The following MAPK14 variants were observed in gnomAD, a reference collection of about 807,000 sequenced individuals.
MAPK14 encodes the protein mitogen-activated protein kinase 14.
MAPK14 carries 16 observed loss-of-function variants against 49.6 expected under a neutral mutation model. The ratio of observed to expected loss-of-function variants is 0.32; its 90% CI spans 0.22 to 0.49. The LOEUF (loss-of-function observed/expected upper bound fraction) is 0.49, where lower values mean the gene tolerates loss of function less well. MAPK14 is among the 20% of genes least tolerant of loss of function. The pLI, the probability that MAPK14 is intolerant of heterozygous loss-of-function variation, is 0.99. For synonymous variants in MAPK14, 142 were observed against 158.0 expected (o/e 0.90, Z 0.76); for missense variants, 200 against 441.2 (o/e 0.45, Z 4.90).
At chr6:36,049,760 A>C (rs1311973125) in intron 1 of MAPK14, among the ~76,000 whole-genome samples, 1 of 152,248 alleles carries the variant, frequency 6.6e-6, no homozygotes, top group Non-Finnish European at 1.5e-5. Flanking sequence ...ATGATGCAAG[A>C]GAGAAGAGGA....
At chr6:36,049,919 G>A (rs555551638) in intron 1 of MAPK14, among the ~76,000 whole-genome samples, 1 of 152,148 alleles carries the variant, frequency 6.6e-6, no homozygotes, top group African/African-American at 2.4e-5. Flanking sequence ...CTAAGCAAAT[G>A]GAGCTCCCCT....
chr6:36,071,983 G>A (rs1252596166), intron 3 of MAPK14, among the ~76,000 whole-genome samples: 1 of 152,096 alleles, frequency 6.6e-6, no homozygotes, highest in African/African-American at 2.4e-5. Flanking sequence ...ACAAAGCTTG[G>A]CCTGGTTTCT....
intron 8 of MAPK14, among the ~76,000 whole-genome samples, chr6:36,088,354 A>G (rs1462551010): frequency 6.6e-6 from 1 of 152,162 alleles, no homozygotes; most frequent in Non-Finnish European, 1.5e-5. Flanking sequence ...TTTGCAATCT[A>G]TCCATCTGAC....
chr6:36,042,779 G>T (rs903315855), intron 1 of MAPK14, among the ~76,000 whole-genome samples: 2 of 151,906 alleles, frequency 1.3e-5, no homozygotes, highest in African/African-American at 2.4e-5. Flanking sequence ...AGGATTACAG[G>T]TGTGAGCCAC....
intron 1 of MAPK14, among the ~76,000 whole-genome samples, chr6:36,041,692 A>G (rs980853058): frequency 2.0e-5 from 3 of 152,222 alleles, no homozygotes; most frequent in Non-Finnish European, 4.4e-5. Context: ...ACAATCAGGA[A>G]TGAACCAATT....
intron 3 of MAPK14, among the ~76,000 whole-genome samples, chr6:36,069,605 C>T (rs1764190343): frequency 6.6e-6 from 1 of 151,978 alleles, no homozygotes; most frequent in South Asian, 2.1e-4. Flanking sequence ...GCAGTCTCAC[C>T]CTCGTTCTAA....
downstream of MAPK14, among the ~76,000 whole-genome samples, chr6:36,115,927 CAAA>C (rs60613902): frequency 9.4e-5 from 10 of 106,346 alleles, no homozygotes; most frequent in Non-Finnish European, 9.3e-5. Context: ...GACTCCGTCT[CAAA>C]AAAAAAAAAA....
chr6:36,066,518 TA>T (rs558242402), intron 3 of MAPK14, among the ~76,000 whole-genome samples: 1 of 151,950 alleles, frequency 6.6e-6, no homozygotes, highest in Non-Finnish European at 1.5e-5. Flanking sequence ...CTCAGAATAT[TA>T]GAGAAGCTTA....
rs535397617 is a variant in MAPK14 at position 36,110,919 on chromosome 6, A to G, written c.*2472A>G. 10 of 152,334 alleles carry G rather than the reference A, an allele frequency of 6.6e-5. No individual in the cohort carries two copies. The highest frequency in any genetic ancestry group is 2.4e-4 in the African/African-American group (10 of 41,578). The allele number at this position is 152,334 out of a possible 1,614,324, so 9.4% of individuals were successfully genotyped here. Reference sequence around the variant, plus strand: ...AATGTTGATAAAGCTTCTTAGTTGTACATTTTTTGGTGAAGAGTATCCAGG... The same window carrying G: ...AATGTTGATAAAGCTTCTTAGTTGTGCATTTTTTGGTGAAGAGTATCCAGG... On this transcript the variant is annotated 3_prime_UTR_variant, in exon 12 of 12. Transcript: ENST00000229794.
chr6:36,078,892 A>AC (rs1190807282), intron 8 of MAPK14, among the ~76,000 whole-genome samples: 4 of 152,210 alleles, frequency 2.6e-5, no homozygotes, highest in Non-Finnish European at 5.9e-5. Context: ...CTTGTGTTCC[A>AC]GCATAGTGGT....
chr6:36,123,987 G>A, the MAPK14 span, among the ~76,000 whole-genome samples: 1 of 151,944 alleles, frequency 6.6e-6, no homozygotes, highest in Admixed American at 6.6e-5. Flanking sequence ...GACTCACAGA[G>A]CTGTCCCCAC....
At chr6:36,071,788 C>T (rs1764285688) in intron 3 of MAPK14, among the ~76,000 whole-genome samples, 1 of 152,156 alleles carries the variant, frequency 6.6e-6, no homozygotes, top group African/African-American at 2.4e-5. Flanking sequence ...ATATATTTGT[C>T]ATGCAAGAAT....
chr6:36,031,809 A>T (rs1373428356), intron 1 of MAPK14, among the ~76,000 whole-genome samples: 11 of 152,358 alleles, frequency 7.2e-5, no homozygotes, highest in Middle Eastern at 3.4e-3. Context: ...AAGAAAGATA[A>T]GGCAATCAGG....
In MAPK14 at chr6:36,108,594, G is replaced by T; in HGVS notation, c.*147G>T. 1 of 670,002 alleles carries T rather than the reference G, an allele frequency of 1.5e-6. No individual in the cohort carries two copies. Among genetic ancestry groups the T allele is most frequent in the Non-Finnish European group, 2.7e-6 (1 of 369,912 alleles). The allele number at this position is 670,002 out of a possible 1,614,324, so 41.5% of individuals were successfully genotyped here. A position where few individuals can be genotyped will look rare whatever the true frequency, so the allele number is the denominator to read the frequency against. On this transcript the variant is annotated 3_prime_UTR_variant, in exon 12 of 12. Coordinates refer to ENST00000229794, the MANE Select transcript of MAPK14 (RefSeq NM_139012.3). ...TGTGCGTGCGTGTGCGTGCGTGTTA[G>T]TGTGTGTGCATGTGTGTGTCTGTCT...
At position 36,109,780 on chromosome 6, in the gene MAPK14, A is replaced by T. The variant is rs1765911806; in HGVS notation, c.*1333A>T. 1 of 152,654 alleles carries T rather than the reference A, an allele frequency of 6.6e-6. No homozygotes were observed. The highest frequency in any genetic ancestry group is 2.1e-4 in the South Asian group (1 of 4,832). The allele number at this position is 152,654 out of a possible 1,614,324, so 9.5% of individuals were successfully genotyped here. A position where few individuals can be genotyped will look rare whatever the true frequency, so the allele number is the denominator to read the frequency against. ...GCTAAGAAATGCTGAAAATCAAAGT[A>T]AAAAATTAAAGCCCATAAGGCCAGA... On this transcript the variant is annotated 3_prime_UTR_variant, in exon 12 of 12. Transcript: ENST00000229794.
Position 36,092,466 on chromosome 6 carries a change from A to G in MAPK14, c.683-3521A>G, listed in dbSNP as rs112983061. On this transcript the variant is annotated intron_variant, in intron 8 of 11. Transcript: ENST00000229794. Reference sequence around the variant, plus strand: ...TCTCTGCAGCACAGGGATGACCGCTACATCATCACCAGTCTGTTCTTTCCT... The same window carrying G: ...TCTCTGCAGCACAGGGATGACCGCTGCATCATCACCAGTCTGTTCTTTCCT... 647 of 637,432 alleles carry G rather than the reference A, an allele frequency of 1.0e-3. 5 individuals carry two copies. Among genetic ancestry groups the G allele is most frequent in the African/African-American group, 0.01 (549 of 54,776 alleles). 39.5% of individuals were successfully genotyped at this position (637,432 alleles called of 1,614,324 possible). A position where few individuals can be genotyped will look rare whatever the true frequency, so the allele number is the denominator to read the frequency against.
At chr6:36,122,245 T>C in the MAPK14 span, among the ~76,000 whole-genome samples, 4 of 152,250 alleles carry the variant, frequency 2.6e-5, no homozygotes, top group Non-Finnish European at 4.4e-5. Context: ...CCCTGTGGCC[T>C]CTGCCCTGGA....
intron 2 of MAPK14, among the ~76,000 whole-genome samples, chr6:36,058,822 C>T (rs1763684471): frequency 6.6e-6 from 1 of 150,920 alleles, no homozygotes; most frequent in Admixed American, 6.6e-5. Flanking sequence ...GCTTGAGCTG[C>T]AGTGAACTGT....
At chr6:36,091,844 C>CTT (rs1185804651) in intron 8 of MAPK14, 8 of 124,892 alleles carry the variant, frequency 6.4e-5, no homozygotes, top group Non-Finnish European at 1.3e-4. Flanking sequence ...CTTTTCTTTT[C>CTT]TTTTTTTTTT....
Sources: allele counts gnomAD v4.1 joint callset (sites outside exome capture counted in the v4.1 genomes callset), GRCh38; gene constraint gnomAD v4.1.1; transcripts MANE v1.5; gene names NCBI Gene and HGNC (gene_info 2026-07-23, HGNC 2026-07-21).